The following LAMB3 variants were observed in gnomAD, a reference collection of about 807,000 sequenced individuals.
The protein encoded by LAMB3 is laminin subunit beta-3.
A neutral mutation model predicts 140.3 loss-of-function variants in LAMB3; 104 were observed. The observed-to-expected ratio is 0.74, with a 90% CI of 0.63 to 0.87. LAMB3 has a LOEUF of 0.87. LAMB3 is among the 40% of genes least tolerant of loss of function. The probability of loss-of-function intolerance (pLI) is 0.00; values close to 1 mark genes in which losing one functional copy is unlikely to be tolerated. For synonymous variants in LAMB3, 592 were observed against 602.9 expected, an observed-to-expected ratio of 0.98 and a Z score of 0.26; for missense variants, 1,531 against 1,575.2, an observed-to-expected ratio of 0.97 and a Z score of 0.47.
intron 5 of LAMB3, among the ~76,000 whole-genome samples, chr1:209,636,185 T>C (rs1028560845): frequency 1.3e-5 from 2 of 152,220 alleles, no homozygotes; most frequent in Non-Finnish European, 2.9e-5. Flanking sequence ...TTTTATTCTT[T>C]TCCTGTGAGA....
intron 14 of LAMB3, among the ~76,000 whole-genome samples, 173 bp downstream of exon 14, chr1:209,625,475 C>T (rs904659870): frequency 6.6e-6 from 1 of 152,190 alleles, no homozygotes; most frequent in Non-Finnish European, 1.5e-5. Context: ...GTTTTCTCAT[C>T]TGCAAAACCA....
At chr1:209,630,955 G>A (rs367781187) in intron 8 of LAMB3, among the ~76,000 whole-genome samples, 12 of 152,322 alleles carry the variant, frequency 7.9e-5, no homozygotes, top group East Asian at 3.9e-4. Context: ...GTGCACGTGC[G>A]TGTGCCCGCA....
Position 209,630,740 on chromosome 1 carries a change from G to C in LAMB3, c.823-5C>G. On this transcript the variant is annotated splice_region_variant and splice_polypyrimidine_tract_variant and intron_variant, in intron 8 of 22. Transcript: ENST00000356082. ...GCAGACACAGACATCGTGGACCTGG[G>C]AGGGGGACCGTCAGCCATCAGGAGT... The C allele has an allele frequency of 6.2e-7, 1 of 1,613,820 alleles. No homozygotes were observed. The highest frequency in any genetic ancestry group is 8.5e-7 in the Non-Finnish European group (1 of 1,179,964).
Position 209,617,592 on chromosome 1 carries a change from T to C in LAMB3, c.3052-6A>G, listed in dbSNP as rs945388191. The C allele has an allele frequency of 1.9e-6, 3 of 1,613,670 alleles. No individual in the cohort carries two copies. The highest frequency in any genetic ancestry group is 2.5e-6 in the Non-Finnish European group (3 of 1,179,926). ...GGCCGCAGTACCTGCTGAACCTTTG[T>C]GGAAAGAGGGAGATCTGGCCTTTGT... On this transcript the variant is annotated splice_polypyrimidine_tract_variant and splice_region_variant and intron_variant, in intron 20 of 22. Transcript: ENST00000356082.
rs757022831 is a variant in LAMB3 at position 209,615,233 on chromosome 1, C to A, written c.*38G>T. 3 of 1,613,342 alleles carry A rather than the reference C, an allele frequency of 1.9e-6. No individual in the cohort carries two copies. Among genetic ancestry groups the A allele is most frequent in the African/African-American group, 2.7e-5 (2 of 74,936 alleles). Reference sequence around the variant, plus strand: ...ATCTGCCCCCAACCAAAAGCAAAGGCGGCAGATGAGTGGGGCAACGGGCTG... The same window carrying A: ...ATCTGCCCCCAACCAAAAGCAAAGGAGGCAGATGAGTGGGGCAACGGGCTG... On this transcript the variant is annotated 3_prime_UTR_variant, in exon 23 of 23. Coordinates refer to ENST00000356082, the MANE Select transcript of LAMB3 (RefSeq NM_000228.3).
At chr1:209,645,151 C>T (rs1177540944) in intron 3 of LAMB3, among the ~76,000 whole-genome samples, 1 of 152,194 alleles carries the variant, frequency 6.6e-6, no homozygotes, top group Non-Finnish European at 1.5e-5. Context: ...AGCAATTTTT[C>T]CCTACAATGT....
At chr1:209,638,092 A>T in intron 4 of LAMB3, 111 bp from the exon 5 acceptor site, 1 of 873,070 alleles carries the variant, frequency 1.1e-6, no homozygotes, top group South Asian at 1.4e-5. Context: ...TCTAACCTTG[A>T]TTTTCCAAAC....
rs193069291 is a variant in LAMB3 at position 209,615,033 on chromosome 1, C to A, written c.*238G>T. The A allele has an allele frequency of 1.8e-6, 1 of 542,004 alleles. No homozygotes were observed. Among genetic ancestry groups the A allele is most frequent in the African/African-American group, 1.9e-5 (1 of 52,494 alleles). 33.6% of individuals were successfully genotyped at this position (542,004 alleles called of 1,614,324 possible). A position where few individuals can be genotyped will look rare whatever the true frequency, so the allele number is the denominator to read the frequency against. On this transcript the variant is annotated 3_prime_UTR_variant, in exon 23 of 23. Transcript: ENST00000356082. ...GCCCAGCTTCCTTGACTTGAGAGCTCTTAGTTTCAATGGCATGCCAATCTC... is the reference window on the plus strand; with the variant it reads ...GCCCAGCTTCCTTGACTTGAGAGCTATTAGTTTCAATGGCATGCCAATCTC...
chr1:209,627,401 G>T lies in LAMB3; in HGVS notation c.1467C>A (p.Leu489=). 1 of 1,613,596 alleles carries T rather than the reference G, an allele frequency of 6.2e-7. No individual in the cohort carries two copies. Among genetic ancestry groups the T allele is most frequent in the East Asian group, 2.2e-5 (1 of 44,832 alleles). ...TTCGTACCTGGTTGCACTGTGGGCTGAGGGAGTTGTGCGGGTCGCAGGCAC... is the reference window on the plus strand; with the variant it reads ...TTCGTACCTGGTTGCACTGTGGGCTTAGGGAGTTGTGCGGGTCGCAGGCAC... The part of the protein sequence containing the change: ...EPCACDPHNS[L]SPQCNQFTGQ... The change falls in exon 12 of 23, where the codon CTC becomes CTA. Residue 489 remains leucine, a synonymous_variant. Coordinates refer to ENST00000356082, the MANE Select transcript of LAMB3 (RefSeq NM_000228.3).
At position 209,618,598 on chromosome 1, in the gene LAMB3, C is replaced by T. The variant is rs2102406910; in HGVS notation, c.2763G>A (p.Leu921=). Reference sequence around the variant, plus strand: ...GCAGAACAGTAGCTGAGTCTGTGGGCAGCCACAGGGCCAGCACGGCCTCGC... The same window carrying T: ...GCAGAACAGTAGCTGAGTCTGTGGGTAGCCACAGGGCCAGCACGGCCTCGC... ...EVSEAVLALW[L]PTDSATVLQK... is the part of the protein sequence containing the mutation. Residue 921 remains leucine (L), a synonymous_variant, in exon 19 of 23, where the codon CTG becomes CTA. Coordinates refer to ENST00000356082, the MANE Select transcript of LAMB3 (RefSeq NM_000228.3). The T allele has an allele frequency of 1.2e-6, 2 of 1,614,254 alleles. No homozygotes were observed. The highest frequency in any genetic ancestry group is 1.7e-6 in the Non-Finnish European group (2 of 1,180,048).
At chr1:209,649,821 T>TATACTTTG (rs2076549105) in intron 3 of LAMB3, 143 bp downstream of exon 3, 1 of 918,022 alleles carries the variant, frequency 1.1e-6, no homozygotes, top group East Asian at 2.6e-5. Flanking sequence ...GGATCTGGCC[T>TATACTTTG]TATACTTTTA....
At chr1:209,621,726 C>T (rs931310657) in intron 18 of LAMB3, among the ~76,000 whole-genome samples, 2 of 152,196 alleles carry the variant, frequency 1.3e-5, no homozygotes, top group East Asian at 1.9e-4. Flanking sequence ...ACACGAGTCT[C>T]CCGGGTCCTG....
At chr1:209,651,971 A>G (rs1452848294) in intron 1 of LAMB3, among the ~76,000 whole-genome samples, 1 of 152,088 alleles carries the variant, frequency 6.6e-6, no homozygotes, top group Non-Finnish European at 1.5e-5. Flanking sequence ...TAAAAGAGTC[A>G]TGGGCCCAGG....
chr1:209,615,865 T>A lies in LAMB3; in HGVS notation c.3383-458A>T, dbSNP rs542343221. 2.0e-5 allele frequency among the ~76,000 whole-genome samples: 3 copies of A among 152,274 alleles called. No homozygotes were observed. In the East Asian group the frequency reaches 5.8e-4, roughly 29 times the overall value. On this transcript the variant is annotated intron_variant, in intron 22 of 22. Transcript: ENST00000356082. ...CCTCCTGAGCTATCTACCCTCCTCA[T>A]CCTCACACTAGAAGCCAGGCACAGG...
intron 3 of LAMB3, among the ~76,000 whole-genome samples, chr1:209,640,487 G>A (rs561660057): frequency 6.6e-6 from 1 of 152,080 alleles, no homozygotes; most frequent in South Asian, 2.1e-4. Flanking sequence ...GGCAGAGGTT[G>A]CAGTGAGACG....
intron 22 of LAMB3, 110 bp downstream of exon 22, chr1:209,616,361 C>T (rs1380618022): frequency 2.4e-6 from 3 of 1,264,330 alleles, no homozygotes; most frequent in Non-Finnish European, 3.5e-6. Context: ...TTTGATCTCA[C>T]TCCCATAGCA....
chr1:209,638,064 C>G (rs1194813105), intron 4 of LAMB3, 83 bp from the exon 5 acceptor site: 15 of 1,140,416 alleles, frequency 1.3e-5, no homozygotes, highest in South Asian at 1.2e-4. Context: ...TAGACTAGCT[C>G]TAGGAACTCA....
Position 209,638,657 on chromosome 1 carries a change from G to A in LAMB3, c.184-9C>T. 1 of 1,582,872 alleles carries A rather than the reference G, an allele frequency of 6.3e-7. No individual in the cohort carries two copies. The highest frequency in any genetic ancestry group is 8.7e-7 in the Non-Finnish European group (1 of 1,151,704). The stretch of plus-strand genomic sequence containing the variant: ...CAGCATTTCATCTGCCACTGTGGGA[G>A]AGGGAGATAGCAGACACTCAGAGGT... On this transcript the variant is annotated splice_polypyrimidine_tract_variant and intron_variant, in intron 3 of 22. Transcript: ENST00000356082.
chr1:209,649,876 A>G (rs2076549510), intron 3 of LAMB3, 88 bp downstream of exon 3: 1 of 1,466,054 alleles, frequency 6.8e-7, no homozygotes, highest in South Asian at 1.1e-5. Context: ...GGCCTACACC[A>G]AGTACATTCT....
Sources: allele counts gnomAD v4.1 joint callset (sites outside exome capture counted in the v4.1 genomes callset), GRCh38; gene constraint gnomAD v4.1.1; transcripts MANE v1.5; gene names NCBI Gene and HGNC (gene_info 2026-07-23, HGNC 2026-07-21).